The following DENND1A variants were observed in gnomAD, a reference collection of about 807,000 sequenced individuals.
DENND1A encodes the protein DENN domain-containing protein 1A.
DENND1A carries 51 observed loss-of-function variants against 113.7 expected under a neutral mutation model. The observed-to-expected ratio is 0.45, with a 90% confidence interval of 0.36 to 0.57. The LOEUF is 0.57. Ranked by LOEUF, DENND1A falls within the 20% of genes least tolerant of loss-of-function variation. The pLI is 0.00. For missense variants in DENND1A, 1,258 were observed against 1,395.9 expected, an observed-to-expected ratio of 0.90 and a Z score of 1.57; for synonymous variants, 565 against 570.8, an observed-to-expected ratio of 0.99 and a Z score of 0.14.
chr9:123,622,999 C>A (rs1057054506), intron 10 of DENND1A, among the ~76,000 whole-genome samples: 7 of 152,218 alleles, frequency 4.6e-5, no homozygotes, highest in African/African-American at 1.2e-4. Flanking sequence ...AAGGAACCAG[C>A]AGCACATGTT....
chr9:123,846,275 C>T (rs1483200995), intron 2 of DENND1A, among the ~76,000 whole-genome samples: 1 of 152,148 alleles, frequency 6.6e-6, no homozygotes, highest in Non-Finnish European at 1.5e-5. Context: ...TTATGGAAAA[C>T]AGCTTGGCAG....
intron 2 of DENND1A, among the ~76,000 whole-genome samples, chr9:123,819,889 T>C (rs1164129817): frequency 1.3e-5 from 2 of 152,220 alleles, no homozygotes; most frequent in Non-Finnish European, 2.9e-5. Flanking sequence ...ATTTTATAAA[T>C]AATCTTCAAA....
chr9:123,703,115 G>A (rs2065977903), intron 5 of DENND1A, among the ~76,000 whole-genome samples: 1 of 152,086 alleles, frequency 6.6e-6, no homozygotes, highest in South Asian at 2.1e-4. Context: ...CCAAGTAGCT[G>A]GGACCACAGG....
At chr9:123,650,995 C>T (rs1260564977) in intron 9 of DENND1A, among the ~76,000 whole-genome samples, 1 of 146,422 alleles carries the variant, frequency 6.8e-6, no homozygotes, top group African/African-American at 2.5e-5. Context: ...GCAACTGATA[C>T]AATGTCACTA....
At chr9:123,504,734 G>A (rs536692379) in intron 13 of DENND1A, among the ~76,000 whole-genome samples, 105 of 152,270 alleles carry the variant, frequency 6.9e-4, no homozygotes, top group African/African-American at 2.4e-3. Context: ...AGGCAGGGCC[G>A]GCACTCCTGA....
intron 21 of DENND1A, among the ~76,000 whole-genome samples, chr9:123,395,747 C>T (rs7858474): frequency 1.2e-4 from 19 of 152,172 alleles, no homozygotes; most frequent in Middle Eastern, 3.4e-3. Context: ...CAGCTTCATA[C>T]GCACGTCCTA....
At chr9:123,712,400 A>ACT (rs1405447219) in intron 5 of DENND1A, among the ~76,000 whole-genome samples, 1 of 152,168 alleles carries the variant, frequency 6.6e-6, no homozygotes, top group Non-Finnish European at 1.5e-5. Context: ...CAGTGTTCTT[A>ACT]CTCTAGCTCT....
rs115294948 is a variant in DENND1A at position 123,745,456 on chromosome 9, T to C, written c.302+12247A>G. On this transcript the variant is annotated intron_variant, in intron 5 of 23. Coordinates refer to ENST00000394215, the MANE Select transcript of DENND1A (RefSeq NM_001352964.2). Reference sequence around the variant, plus strand: ...GAGCTAGTGGCAGCAGTGTGGTGCATGGAATGCTCATGCACAGCTTGCAGA... The same window carrying C: ...GAGCTAGTGGCAGCAGTGTGGTGCACGGAATGCTCATGCACAGCTTGCAGA... Among the ~76,000 whole-genome samples, 435 of 152,326 alleles carry C rather than the reference T, an allele frequency of 2.9e-3. 2 individuals carry two copies. Among genetic ancestry groups the C allele is most frequent in the African/African-American group, 0.01 (418 of 41,572 alleles).
chr9:123,528,927 C>T (rs182711726), intron 13 of DENND1A, among the ~76,000 whole-genome samples: 175 of 152,344 alleles, frequency 1.1e-3, no homozygotes, highest in African/African-American at 4.0e-3. Context: ...ACTTCTCCTT[C>T]AAGACCCATT....
At chr9:123,423,172 G>A (rs531969976) in intron 19 of DENND1A, among the ~76,000 whole-genome samples, 20 of 152,266 alleles carry the variant, frequency 1.3e-4, no homozygotes, top group East Asian at 3.9e-4. Flanking sequence ...AAAATGGGGC[G>A]GCAGAGACGG....
Position 123,382,043 on chromosome 9 carries a change from C to T in DENND1A, c.2602G>A (p.Val868Ile). 8 of 1,464,636 alleles carry T rather than the reference C, an allele frequency of 5.5e-6. No individual in the cohort carries two copies. Among genetic ancestry groups the T allele is most frequent in the Non-Finnish European group, 6.3e-6 (7 of 1,110,608 alleles). The allele number at this position is 1,464,636 out of a possible 1,614,324, so 90.7% of individuals were successfully genotyped here. Residue 868 changes from valine (V) to isoleucine (I), a missense_variant, in exon 24 of 24, where the codon GTA (valine) becomes ATA (isoleucine). Coordinates refer to ENST00000394215, the MANE Select transcript of DENND1A (RefSeq NM_001352964.2). ...AATTGGGGGGTGAATGGGGTGGCTA[C>T]ATTCGGGGTGGCGGGGCGTGACGGG... ...TLPSRPATPN[V>I]ATPFTPQFSF...
chr9:123,602,139 T>G (rs1330906765), intron 11 of DENND1A, among the ~76,000 whole-genome samples: 2 of 152,206 alleles, frequency 1.3e-5, no homozygotes, highest in African/African-American at 4.8e-5. Context: ...AATACCAACA[T>G]CTGCAGATGC....
At chr9:123,575,807 C>T (rs533906726) in intron 12 of DENND1A, among the ~76,000 whole-genome samples, 1 of 152,294 alleles carries the variant, frequency 6.6e-6, no homozygotes, top group Admixed American at 6.5e-5. Context: ...TTTTGATCAG[C>T]ATTTGGCTGG....
At chr9:123,750,050 T>C (rs542114243) in intron 5 of DENND1A, among the ~76,000 whole-genome samples, 1 of 152,204 alleles carries the variant, frequency 6.6e-6, no homozygotes, top group South Asian at 2.1e-4. Context: ...AAAGGGAGCT[T>C]CCTCCTGCAG....
chr9:123,409,987 G>A (rs2044178652), intron 20 of DENND1A, among the ~76,000 whole-genome samples: 1 of 152,196 alleles, frequency 6.6e-6, no homozygotes, highest in Non-Finnish European at 1.5e-5. Context: ...AGCTACTCAG[G>A]AGGCTGAGGC....
At chr9:123,626,378 G>C (rs185894364) in intron 10 of DENND1A, among the ~76,000 whole-genome samples, 1 of 151,852 alleles carries the variant, frequency 6.6e-6, no homozygotes, top group Non-Finnish European at 1.5e-5. Flanking sequence ...ATGGCAGCAG[G>C]TTCTACATGC....
At chr9:123,544,791 T>A (rs903095106) in intron 13 of DENND1A, among the ~76,000 whole-genome samples, 1 of 152,070 alleles carries the variant, frequency 6.6e-6, no homozygotes. Context: ...TCCAAACAAC[T>A]AAGGACATTA....
intron 5 of DENND1A, among the ~76,000 whole-genome samples, chr9:123,705,069 A>T (rs373347513): frequency 3.3e-4 from 18 of 54,072 alleles, no homozygotes; most frequent in East Asian, 1.2e-3. Flanking sequence ...AGATGAATTT[A>T]AAAAAAAAAA....
chr9:123,769,467 G>A (rs1054855210), intron 4 of DENND1A, 47 bp downstream of exon 4: 2 of 1,502,676 alleles, frequency 1.3e-6, no homozygotes, highest in African/African-American at 1.4e-5. Flanking sequence ...TCTATAGCAG[G>A]TTTATTGATA....
Sources: gnomAD v4.1 joint callset for allele counts (sites outside exome capture counted in the v4.1 genomes callset) on GRCh38, gnomAD v4.1.1 for gene constraint, MANE v1.5 for transcripts, NCBI Gene and HGNC (gene_info 2026-07-23, HGNC 2026-07-21) for gene names.